The following FUT8 variants were observed in gnomAD, a reference collection of about 807,000 sequenced individuals.
FUT8 encodes the protein alpha-(1,6)-fucosyltransferase.
A neutral mutation model predicts 71.3 loss-of-function variants in FUT8; 29 were observed. The observed-to-expected ratio is 0.41, with a 90% CI of 0.30 to 0.55. FUT8 has a LOEUF of 0.55. Among genes scored for constraint, FUT8 ranks in the 20% least tolerant of loss-of-function variants. The probability of loss-of-function intolerance (pLI) is 0.34; values close to 1 mark genes in which losing one functional copy is unlikely to be tolerated. For synonymous variants in FUT8, 254 were observed against 239.3 expected (o/e 1.06, Z -0.57); for missense variants, 544 against 702.1 (o/e 0.77, Z 2.55).
At chr14:65,527,186 A>G (rs986797984) in intron 2 of FUT8, among the ~76,000 whole-genome samples, 1 of 152,016 alleles carries the variant, frequency 6.6e-6, no homozygotes, top group Non-Finnish European at 1.5e-5. Flanking sequence ...TCTCCCTGTC[A>G]CTTTCAGGTA....
At position 65,742,376 on chromosome 14, in the gene FUT8, T is replaced by A; in HGVS notation, c.1694T>A (p.Val565Asp). The change falls in exon 11 of 11, where the codon GTC (valine) becomes GAC (aspartate). Residue 565 changes from valine (V) to aspartate (D), a missense_variant. Val to Asp is a radical substitution (Grantham distance 152). Transcript: ENST00000673929. ...SYKVREKIET[V>D]KYPTYPEAEK ...AAAGTTCGAGAGAAGATAGAAACGG[T>A]CAAGTACCCCACATATCCTGAGGCT... 1 of 1,612,470 alleles carries A rather than the reference T, an allele frequency of 6.2e-7. No individual in the cohort carries two copies. Among genetic ancestry groups the A allele is most frequent in the Non-Finnish European group, 8.5e-7 (1 of 1,179,062 alleles).
At chr14:65,694,757 A>G (rs1311883865) in intron 7 of FUT8, among the ~76,000 whole-genome samples, 2 of 151,870 alleles carry the variant, frequency 1.3e-5, no homozygotes, top group Admixed American at 1.3e-4. Flanking sequence ...CATGGATGAA[A>G]TTGGAAATCA....
At chr14:65,487,109 A>G (rs1184634634) in intron 2 of FUT8, among the ~76,000 whole-genome samples, 2 of 152,166 alleles carry the variant, frequency 1.3e-5, no homozygotes, top group African/African-American at 4.8e-5. Flanking sequence ...GCCCTGAAGG[A>G]GAGTTCTAAC....
chr14:65,680,976 A>T (rs2300871), intron 7 of FUT8, among the ~76,000 whole-genome samples: 2 of 152,128 alleles, frequency 1.3e-5, no homozygotes, highest in African/African-American at 2.4e-5. Context: ...TTTTACTGAT[A>T]TACTGGGAAC....
At chr14:65,577,419 G>C (rs1324838595) in intron 3 of FUT8, among the ~76,000 whole-genome samples, 1 of 151,804 alleles carries the variant, frequency 6.6e-6, no homozygotes, top group Admixed American at 6.6e-5. Context: ...TCGTGTAAGG[G>C]GGCTTTTTGA....
the FUT8 span, among the ~76,000 whole-genome samples, chr14:65,397,652 A>G: frequency 6.6e-6 from 1 of 152,254 alleles, no homozygotes; most frequent in Non-Finnish European, 1.5e-5. The surrounding 1 kb of genome is among the most constrained non-coding windows in gnomAD (Gnocchi z 4.2). Context: ...ATGGGACAGC[A>G]TACTGTTCAG....
At chr14:65,605,704 T>C (rs1888547536) in intron 3 of FUT8, among the ~76,000 whole-genome samples, 1 of 152,070 alleles carries the variant, frequency 6.6e-6, no homozygotes, top group Non-Finnish European at 1.5e-5. Flanking sequence ...TATTCTGTTA[T>C]GGCAGCCCTT....
chr14:65,535,512 A>G (rs1258929334), intron 2 of FUT8, among the ~76,000 whole-genome samples: 1 of 152,174 alleles, frequency 6.6e-6, no homozygotes, highest in Non-Finnish European at 1.5e-5. Context: ...CACTAATGTT[A>G]AAGAACTTCT....
intron 3 of FUT8, among the ~76,000 whole-genome samples, chr14:65,566,022 A>G (rs1343761501): frequency 4.6e-5 from 7 of 151,916 alleles, no homozygotes; most frequent in East Asian, 1.9e-4. Context: ...GATTTTTCCA[A>G]TTTGGGTTAA....
intron 3 of FUT8, among the ~76,000 whole-genome samples, chr14:65,598,972 G>C (rs1888151413): frequency 1.3e-5 from 2 of 151,942 alleles, no homozygotes; most frequent in South Asian, 4.2e-4. Context: ...TTGTATTTTA[G>C]TAAAGATGGG....
chr14:65,610,208 C>A (rs1343307494), intron 3 of FUT8, among the ~76,000 whole-genome samples: 1 of 151,890 alleles, frequency 6.6e-6, no homozygotes, highest in Admixed American at 6.6e-5. Flanking sequence ...CCTTGGTCTA[C>A]TGGCTAGAAT....
chr14:65,482,262 A>G (rs1014801277), intron 2 of FUT8, among the ~76,000 whole-genome samples: 5 of 152,018 alleles, frequency 3.3e-5, no homozygotes, highest in African/African-American at 1.2e-4. Flanking sequence ...TTTGTCAAAA[A>G]TCATTTGACT....
At chr14:65,370,938 T>G in the FUT8 span, among the ~76,000 whole-genome samples, 1 of 152,196 alleles carries the variant, frequency 6.6e-6, no homozygotes, top group African/African-American at 2.4e-5. Flanking sequence ...GGTTTAGGCT[T>G]TTCGGGGCAG....
At chr14:65,508,937 G>A (rs538301362) in intron 2 of FUT8, among the ~76,000 whole-genome samples, 5 of 152,124 alleles carry the variant, frequency 3.3e-5, no homozygotes, top group Middle Eastern at 3.4e-3. Context: ...ATGTGATCCC[G>A]TTTGTCCAGT....
At chr14:65,381,206 T>C in the FUT8 span, among the ~76,000 whole-genome samples, 8 of 152,172 alleles carry the variant, frequency 5.3e-5, no homozygotes, top group Non-Finnish European at 1.0e-4. Flanking sequence ...ACTAATGGAG[T>C]GTTCTCAATA....
intron 2 of FUT8, among the ~76,000 whole-genome samples, chr14:65,460,721 A>G (rs952285198): frequency 1.3e-5 from 2 of 152,184 alleles, no homozygotes; most frequent in Non-Finnish European, 2.9e-5. Flanking sequence ...AATCTTTGGT[A>G]GGGTCTTAGA....
At chr14:65,403,738 A>ATT in the FUT8 span, among the ~76,000 whole-genome samples, 18,359 of 142,950 alleles carry the variant, frequency 0.13, 1,511 homozygotes, top group Middle Eastern at 0.2. Context: ...ATAGTGGTTA[A>ATT]TTTTTTTTTT....
At chr14:65,606,136 G>A (rs1194385246) in intron 3 of FUT8, among the ~76,000 whole-genome samples, 4 of 147,580 alleles carry the variant, frequency 2.7e-5, no homozygotes, top group Non-Finnish European at 4.5e-5. Flanking sequence ...GCAGTGGTGC[G>A]ATCTCAGCTT....
At chr14:65,549,391 C>T (rs950278299) in intron 2 of FUT8, among the ~76,000 whole-genome samples, 1 of 151,742 alleles carries the variant, frequency 6.6e-6, no homozygotes, top group Admixed American at 6.6e-5. Flanking sequence ...TAGAAGCCCC[C>T]TGCATTTCTT....
Sources: allele counts gnomAD v4.1 joint callset (sites outside exome capture counted in the v4.1 genomes callset), GRCh38; gene constraint gnomAD v4.1.1; non-coding constraint Gnocchi (gnomAD v3.1); transcripts MANE v1.5; gene names NCBI Gene and HGNC (gene_info 2026-07-23, HGNC 2026-07-21).